The following TMEM108 variants were observed in gnomAD, a reference collection of about 807,000 sequenced individuals.
TMEM108 encodes the protein transmembrane protein 108, also known as cancer/testis antigen 124.
Under a neutral mutation model 35.1 loss-of-function variants are expected in TMEM108, and 12 were observed. The observed-to-expected ratio is 0.34, with a 90% CI of 0.22 to 0.55. TMEM108 has a LOEUF of 0.55. Ranked by LOEUF, TMEM108 falls within the 20% of genes least tolerant of loss-of-function variation. The probability of loss-of-function intolerance (pLI) is 0.89; values close to 1 mark genes in which losing one functional copy is unlikely to be tolerated. For synonymous variants in TMEM108, 287 were observed against 308.6 expected (o/e 0.93, Z 0.73); for missense variants, 680 against 753.3 (o/e 0.90, Z 1.14).
At chr3:133,202,491 A>G (rs1945684861) in intron 2 of TMEM108, among the ~76,000 whole-genome samples, 1 of 152,192 alleles carries the variant, frequency 6.6e-6, no homozygotes, top group Admixed American at 6.5e-5. Flanking sequence ...GAAGGGGTCC[A>G]GGTTCAGTTT....
rs755999338 is a variant in TMEM108, at chr3:133,381,065, G to A, written c.1354G>A (p.Glu452Lys). ...GTAGNISHVAEGDKPQHRATI... is the reference protein window; with the variant it reads ...GTAGNISHVAKGDKPQHRATI... ...AGCAGGGAACATCTCCCATGTGGCC[G>A]AGGGGGACAAACCGCAGCACAGAGC... Residue 452 changes from glutamate to lysine, a missense_variant, in exon 4 of 6, where the codon GAG (glutamate) becomes AAG (lysine). Around this residue, in one of 3 missense-constraint regions of TMEM108, gnomAD observed 526 missense variants for 532.1 expected, o/e 0.99. Transcript: ENST00000321871. 1.7e-5 allele frequency: 28 copies of A among 1,614,180 alleles called. No homozygotes were observed. In the East Asian group the frequency reaches 2.2e-4, roughly 13 times the overall value.
intron 3 of TMEM108, among the ~76,000 whole-genome samples, chr3:133,374,563 TAC>T (rs1236381464): frequency 0.18 from 13,725 of 77,776 alleles, 851 homozygotes; most frequent in African/African-American, 0.28. Flanking sequence ...TATATATATA[TAC>T]ACACACACAC....
chr3:133,388,933 T>C, intron 4 of TMEM108: 3 of 985,578 alleles, frequency 3.0e-6, no homozygotes, highest in Non-Finnish European at 3.6e-6. Flanking sequence ...CTGGCCTCTC[T>C]GGACAGCCCA....
At chr3:133,119,579 G>A (rs1305419306) in intron 2 of TMEM108, 1 of 152,164 alleles carries the variant, frequency 6.6e-6, no homozygotes, top group African/African-American at 2.4e-5. Context: ...GTGTAAATAA[G>A]TTTGCTAGGA....
intron 2 of TMEM108, among the ~76,000 whole-genome samples, chr3:133,113,009 G>C (rs905728830): frequency 6.6e-6 from 1 of 152,088 alleles, no homozygotes; most frequent in Non-Finnish European, 1.5e-5. Context: ...TAAAGAACAC[G>C]TAAGAAAGAC....
intron 5 of TMEM108, among the ~76,000 whole-genome samples, chr3:133,393,442 G>A (rs2073262858): frequency 6.6e-6 from 1 of 152,236 alleles, no homozygotes; most frequent in Non-Finnish European, 1.5e-5. Context: ...ACCTGGAGCA[G>A]TGCCTGGCAC....
intron 1 of TMEM108, among the ~76,000 whole-genome samples, chr3:133,040,363 C>G (rs1386528048): frequency 6.6e-6 from 1 of 151,812 alleles, no homozygotes; most frequent in African/African-American, 2.4e-5. Context: ...GGCACCATGC[C>G]CGGCTAATTT....
intron 3 of TMEM108, among the ~76,000 whole-genome samples, chr3:133,310,634 G>A (rs548065677): frequency 6.9e-6 from 1 of 144,380 alleles, no homozygotes; most frequent in African/African-American, 2.6e-5. Context: ...CATTGAGGTG[G>A]GTCTCCTGAA....
intron 2 of TMEM108, among the ~76,000 whole-genome samples, chr3:133,167,347 C>A (rs1945055666): frequency 6.6e-6 from 1 of 152,274 alleles, no homozygotes; most frequent in African/African-American, 2.4e-5. Context: ...CCTAGTGGAT[C>A]CTGCTCCAGG....
intron 2 of TMEM108, among the ~76,000 whole-genome samples, chr3:133,063,277 A>T (rs924893782): frequency 3.3e-5 from 5 of 152,292 alleles, no homozygotes; most frequent in Admixed American, 6.5e-5. Flanking sequence ...ATGAAGAGTG[A>T]CAGGGAACCA....
chr3:133,067,905 A>G (rs1313215045), intron 2 of TMEM108, among the ~76,000 whole-genome samples: 1 of 151,956 alleles, frequency 6.6e-6, no homozygotes, highest in African/African-American at 2.4e-5. Context: ...ACAGCAGCAT[A>G]GAAAAAAAAA....
chr3:133,329,385 T>C (rs1442311628), intron 3 of TMEM108, among the ~76,000 whole-genome samples: 1 of 152,208 alleles, frequency 6.6e-6, no homozygotes, highest in Non-Finnish European at 1.5e-5. Context: ...GGTGACACAT[T>C]ACTGCTTCAG....
At chr3:133,102,490 C>T (rs372908505) in intron 2 of TMEM108, among the ~76,000 whole-genome samples, 4 of 152,214 alleles carry the variant, frequency 2.6e-5, no homozygotes, top group East Asian at 1.9e-4. Flanking sequence ...GCTCATGTAC[C>T]GCCACATGCT....
chr3:133,164,456 T>C (rs1214747397), intron 2 of TMEM108, among the ~76,000 whole-genome samples: 1 of 152,074 alleles, frequency 6.6e-6, no homozygotes, highest in East Asian at 1.9e-4. Flanking sequence ...TGAATGAAAA[T>C]CTTTGTATTG....
intron 2 of TMEM108, among the ~76,000 whole-genome samples, chr3:133,089,219 A>T (rs1943918992): frequency 6.6e-6 from 1 of 152,172 alleles, no homozygotes; most frequent in Non-Finnish European, 1.5e-5. Flanking sequence ...TTACAATTTG[A>T]CATGAGATTT....
intron 3 of TMEM108, among the ~76,000 whole-genome samples, chr3:133,364,789 G>A (rs2072455482): frequency 6.6e-6 from 1 of 152,230 alleles, no homozygotes; most frequent in South Asian, 2.1e-4. Flanking sequence ...CTGGTTCCCA[G>A]GAAGCAGATT....
intron 2 of TMEM108, among the ~76,000 whole-genome samples, chr3:133,148,681 G>A (rs1944755872): frequency 6.6e-6 from 1 of 151,968 alleles, no homozygotes; most frequent in Non-Finnish European, 1.5e-5. Context: ...TTTTAAATGT[G>A]CCAGTAAGGT....
chr3:133,324,467 A>AG (rs1170384696), intron 3 of TMEM108, among the ~76,000 whole-genome samples: 1 of 152,256 alleles, frequency 6.6e-6, no homozygotes, highest in Non-Finnish European at 1.5e-5. Flanking sequence ...TACCACAATG[A>AG]GATACCACCT....
intron 2 of TMEM108, among the ~76,000 whole-genome samples, chr3:133,074,913 G>A (rs998711475): frequency 6.6e-6 from 1 of 152,186 alleles, no homozygotes; most frequent in Non-Finnish European, 1.5e-5. Flanking sequence ...ATAATAAGTA[G>A]ATCCATCATA....
Sources: allele counts gnomAD v4.1 joint callset (sites outside exome capture counted in the v4.1 genomes callset), GRCh38; gene constraint gnomAD v4.1.1; regional missense constraint gnomAD v4.1.1; transcripts MANE v1.5; gene names NCBI Gene and HGNC (gene_info 2026-07-23, HGNC 2026-07-21).